CAMK4: variants seen among roughly 807,000 people sequenced by gnomAD.
The protein encoded by CAMK4 is calcium/calmodulin dependent protein kinase IV.
CAMK4 carries 22 observed loss-of-function variants against 44.9 expected under a neutral mutation model. The observed-to-expected ratio is 0.49, with a 90% CI of 0.35 to 0.70. The LOEUF is 0.70. Among genes scored for constraint, CAMK4 ranks in the 30% least tolerant of loss-of-function variants. The pLI, the probability that CAMK4 is intolerant of heterozygous loss-of-function variation, is 0.01. For synonymous variants in CAMK4, 218 were observed against 215.4 expected (o/e 1.01, Z -0.11); for missense variants, 498 against 586.8 (o/e 0.85, Z 1.56).
chr5:111,234,188 T>C (rs963179519), intron 1 of CAMK4, among the ~76,000 whole-genome samples: 1 of 152,216 alleles, frequency 6.6e-6, no homozygotes, highest in Non-Finnish European at 1.5e-5. Flanking sequence ...AATAACATTC[T>C]ACTTTATGAA....
rs1561524060 is a variant in CAMK4 at position 111,492,029 on chromosome 5, G to GA, written c.*7564dup. ...TATTTCTTTGAAAAGAGAGGGCCTT[G>GA]AGTAAATGCTTTCGTTTGCTTTCCT... On this transcript the variant is annotated 3_prime_UTR_variant, in exon 11 of 11. Coordinates refer to ENST00000282356, the MANE Select transcript of CAMK4 (RefSeq NM_001744.6). 1 of 152,152 alleles carries GA rather than the reference G, an allele frequency of 6.6e-6. No individual in the cohort carries two copies. The highest frequency in any genetic ancestry group is 1.5e-5 in the Non-Finnish European group (1 of 68,020). The allele number at this position is 152,152 out of a possible 1,614,324, so 9.4% of individuals were successfully genotyped here. A position where few individuals can be genotyped will look rare whatever the true frequency, so the allele number is the denominator to read the frequency against.
At chr5:111,365,519 T>G (rs1750758394) in intron 2 of CAMK4, among the ~76,000 whole-genome samples, 1 of 20,972 alleles carries the variant, frequency 4.8e-5, no homozygotes. Context: ...TATAGGAATG[T>G]GTAATAGTGA....
intron 5 of CAMK4, among the ~76,000 whole-genome samples, chr5:111,443,269 TATATATATATAC>T (rs1270520650): frequency 0.017 from 868 of 51,150 alleles, 12 homozygotes; most frequent in African/African-American, 0.06. Flanking sequence ...TATATATATA[TATATATATATAC>T]ACACACACAC....
intron 1 of CAMK4, among the ~76,000 whole-genome samples, chr5:111,327,045 A>G (rs943767370): frequency 1.3e-4 from 19 of 151,792 alleles, no homozygotes; most frequent in Admixed American, 1.2e-3. Flanking sequence ...TTTAGGGTAC[A>G]TGTGCACAAT....
chr5:111,296,352 T>C (rs1217073366), intron 1 of CAMK4, among the ~76,000 whole-genome samples: 1 of 152,242 alleles, frequency 6.6e-6, no homozygotes, highest in East Asian at 1.9e-4. Flanking sequence ...TGGAAAGTTT[T>C]CTTAGTTGGC....
chr5:111,291,565 C>G (rs1357068279), intron 1 of CAMK4, among the ~76,000 whole-genome samples: 1 of 152,180 alleles, frequency 6.6e-6, no homozygotes, highest in Admixed American at 6.5e-5. Context: ...GTTACTCAGG[C>G]TGGAGTGTAG....
At chr5:111,268,993 G>A (rs549036828) in intron 1 of CAMK4, among the ~76,000 whole-genome samples, 1 of 152,278 alleles carries the variant, frequency 6.6e-6, no homozygotes, top group South Asian at 2.1e-4. Flanking sequence ...TGAAAGCAGG[G>A]AAGACTTTTT....
chr5:111,253,589 GAC>G (rs1749613222), intron 1 of CAMK4, among the ~76,000 whole-genome samples: 1 of 152,172 alleles, frequency 6.6e-6, no homozygotes, highest in African/African-American at 2.4e-5. Flanking sequence ...AAAAATGAAA[GAC>G]AATTTTTTGA....
At chr5:111,267,295 C>T (rs1286085547) in intron 1 of CAMK4, among the ~76,000 whole-genome samples, 1 of 152,160 alleles carries the variant, frequency 6.6e-6, no homozygotes, top group Non-Finnish European at 1.5e-5. Context: ...CAGGATTTGT[C>T]ATTGTTTCCA....
intron 8 of CAMK4, among the ~76,000 whole-genome samples, chr5:111,476,230 T>A (rs890160790): frequency 6.8e-6 from 1 of 147,346 alleles, no homozygotes; most frequent in African/African-American, 2.5e-5. Flanking sequence ...AACTTCACTC[T>A]TTGCTTCTTT....
chr5:111,380,557 C>G (rs1037623584), intron 4 of CAMK4, among the ~76,000 whole-genome samples: 2 of 152,132 alleles, frequency 1.3e-5, no homozygotes, highest in Non-Finnish European at 2.9e-5. Flanking sequence ...TTTTTCCCCA[C>G]TATGTGTCCA....
chr5:111,402,359 CAG>C (rs1188551228), intron 5 of CAMK4, among the ~76,000 whole-genome samples: 2 of 152,184 alleles, frequency 1.3e-5, no homozygotes, highest in Non-Finnish European at 2.9e-5. Flanking sequence ...TGCTTTTATT[CAG>C]AGTCTTCCAA....
intron 5 of CAMK4, among the ~76,000 whole-genome samples, chr5:111,433,328 A>G (rs566469556): frequency 3.3e-5 from 5 of 152,340 alleles, no homozygotes; most frequent in African/African-American, 1.2e-4. Context: ...GTCACATGGA[A>G]TCTCAGCAGG....
At chr5:111,265,417 G>T (rs1750195087) in intron 1 of CAMK4, among the ~76,000 whole-genome samples, 1 of 152,126 alleles carries the variant, frequency 6.6e-6, no homozygotes, top group Non-Finnish European at 1.5e-5. Flanking sequence ...TTTAACTTTT[G>T]TCTGAAGTAT....
chr5:111,284,032 A>G (rs1751132533), intron 1 of CAMK4, among the ~76,000 whole-genome samples: 1 of 152,248 alleles, frequency 6.6e-6, no homozygotes, highest in Non-Finnish European at 1.5e-5. Flanking sequence ...AAATATGGTG[A>G]AACTTTATTA....
chr5:111,437,595 T>C (rs1210672097), intron 5 of CAMK4, among the ~76,000 whole-genome samples: 1 of 152,176 alleles, frequency 6.6e-6, no homozygotes, highest in East Asian at 1.9e-4. Context: ...ACACATATGT[T>C]ACTTTGGAAG....
At position 111,449,202 on chromosome 5, in the gene CAMK4, C is replaced by T. The variant is rs199946284; in HGVS notation, c.624C>T (p.Cys208=). The T allele has an allele frequency of 3.2e-4, 457 of 1,416,276 alleles. No individual in the cohort carries two copies. The highest frequency in any genetic ancestry group is 7.1e-4 in the Middle Eastern group (4 of 5,618). 87.7% of individuals were successfully genotyped at this position (1,416,276 alleles called of 1,614,324 possible). A position where few individuals can be genotyped will look rare whatever the true frequency, so the allele number is the denominator to read the frequency against. ...CAGTATGTGGAACCCCAGGGTACTG[C>T]GGTATGCTCTTTAATAATTATATTT... is the stretch of plus-strand genomic sequence containing the variant. ...MKTVCGTPGY[C]APEILRGCAY... is the part of the protein sequence containing the mutation. Residue 208 remains cysteine, a splice_region_variant and synonymous_variant, in exon 7 of 11, where the codon TGC becomes TGT. Transcript: ENST00000282356.
chr5:111,284,992 A>T (rs1203583451), intron 1 of CAMK4, among the ~76,000 whole-genome samples: 1 of 152,230 alleles, frequency 6.6e-6, no homozygotes, highest in African/African-American at 2.4e-5. Context: ...TATGCTACAC[A>T]TCCTGGAAAT....
intron 1 of CAMK4, among the ~76,000 whole-genome samples, chr5:111,330,071 C>T (rs1348777763): frequency 6.8e-6 from 1 of 146,280 alleles, no homozygotes; most frequent in Admixed American, 7.0e-5. Context: ...GGTAGAAGTC[C>T]TCAGAATTCT....
Sources: gnomAD v4.1 joint callset for allele counts (sites outside exome capture counted in the v4.1 genomes callset) on GRCh38, gnomAD v4.1.1 for gene constraint, MANE v1.5 for transcripts, NCBI Gene and HGNC (gene_info 2026-07-23, HGNC 2026-07-21) for gene names.